The following LARGE1 variants were observed in gnomAD, a reference collection of about 807,000 sequenced individuals.
LARGE1 encodes the protein xylosyl- and glucuronyltransferase LARGE1.
A neutral mutation model predicts 87.6 loss-of-function variants in LARGE1; 43 were observed. The ratio of observed to expected loss-of-function variants is 0.49; its 90% CI spans 0.38 to 0.63. The LOEUF (loss-of-function observed/expected upper bound fraction) is 0.63. LARGE1 is among the 30% of genes least tolerant of loss of function. The pLI is 0.00. For missense variants in LARGE1, 802 were observed against 1,000.2 expected (o/e 0.80, Z 2.67); for synonymous variants, 434 against 394.6 (o/e 1.10, Z -1.18).
intron 2 of LARGE1, among the ~76,000 whole-genome samples, chr22:33,759,845 T>C (rs997249510): frequency 3.9e-5 from 6 of 152,046 alleles, no homozygotes; most frequent in Non-Finnish European, 1.5e-5. Context: ...AAACTTCCCA[T>C]CCACTGCCAT....
chr22:33,800,946 C>T (rs1446349414), intron 1 of LARGE1, among the ~76,000 whole-genome samples: 2 of 152,154 alleles, frequency 1.3e-5, no homozygotes, highest in African/African-American at 4.8e-5. Context: ...TGTGTCCCCA[C>T]CCAAATCTCA....
intron 7 of LARGE1, among the ~76,000 whole-genome samples, chr22:33,411,489 C>T (rs1051104695): frequency 6.6e-6 from 1 of 152,196 alleles, no homozygotes; most frequent in Non-Finnish European, 1.5e-5. Context: ...CACATGCATA[C>T]ATAAACATGC....
At chr22:33,377,389 T>TGGAG (rs1293889432) in intron 9 of LARGE1, among the ~76,000 whole-genome samples, 10 of 152,228 alleles carry the variant, frequency 6.6e-5, no homozygotes, top group Non-Finnish European at 8.8e-5. Context: ...TCCAAACAAT[T>TGGAG]ATAAAATCCT....
rs187495477 is a variant in LARGE1, at chr22:33,574,741, A to G, written c.616-9722T>C. 5.3e-3 allele frequency among the ~76,000 whole-genome samples: 781 copies of G among 147,168 alleles called. 4 individuals are homozygous for G. Among genetic ancestry groups the G allele is most frequent in the African/African-American group, 0.019 (748 of 39,376 alleles). ...GTGTGTGTGTGTGTGTGTGTGTAAA[A>G]TAACTATAGTCTGATACACTTAATG... is the stretch of plus-strand genomic sequence containing the variant. On this transcript the variant is annotated intron_variant, in intron 5 of 14. Coordinates refer to ENST00000397394, the MANE Select transcript of LARGE1 (RefSeq NM_133642.5).
At chr22:33,371,150 T>C (rs1475456988) in intron 9 of LARGE1, among the ~76,000 whole-genome samples, 1 of 151,214 alleles carries the variant, frequency 6.6e-6, no homozygotes, top group Non-Finnish European at 1.5e-5. Context: ...CATAGTAAAA[T>C]GTGGAATAGT....
rs78168603 is a variant in LARGE1, at chr22:33,517,988, G to A, written c.787+46860C>T. ...CCCCAAATTCACTCTCCTTGCTGTC[G>A]TTAGATCACTCCAACTCCTACAGAT... On this transcript the variant is annotated intron_variant, in intron 6 of 14. Coordinates refer to ENST00000397394, the MANE Select transcript of LARGE1 (RefSeq NM_133642.5). Among the ~76,000 whole-genome samples the A allele has an allele frequency of 2.6e-3, 402 of 152,312 alleles. 3 individuals are homozygous for A. Among genetic ancestry groups the A allele is most frequent in the African/African-American group, 9.0e-3 (374 of 41,560 alleles).
At chr22:33,589,432 T>C (rs2078772903) in intron 5 of LARGE1, among the ~76,000 whole-genome samples, 2 of 152,178 alleles carry the variant, frequency 1.3e-5, no homozygotes, top group African/African-American at 4.8e-5. Flanking sequence ...ATTTCCTCCA[T>C]TGTTTTATTA....
chr22:33,774,419 C>A (rs766654748), intron 1 of LARGE1, among the ~76,000 whole-genome samples: 17 of 152,036 alleles, frequency 1.1e-4, no homozygotes, highest in Admixed American at 9.2e-4. Flanking sequence ...TGCAGTGGCA[C>A]GATCTCGGTT....
chr22:33,410,425 G>T (rs1224828663), intron 7 of LARGE1, among the ~76,000 whole-genome samples: 1 of 151,994 alleles, frequency 6.6e-6, no homozygotes, highest in South Asian at 2.1e-4. Flanking sequence ...GAATCATGGG[G>T]GCGGGGGGCG....
the LARGE1 span, among the ~76,000 whole-genome samples, chr22:33,118,960 T>A: frequency 2.0e-5 from 3 of 152,218 alleles, no homozygotes; most frequent in African/African-American, 7.2e-5. Flanking sequence ...GGGTGAACAA[T>A]CTATGTGTCT....
the LARGE1 span, among the ~76,000 whole-genome samples, chr22:33,116,024 T>G: frequency 6.6e-6 from 1 of 152,120 alleles, no homozygotes; most frequent in Non-Finnish European, 1.5e-5. Flanking sequence ...CTGTGGTATT[T>G]TGTTACGGCA....
At chr22:33,676,647 T>G (rs985957082) in intron 2 of LARGE1, among the ~76,000 whole-genome samples, 1 of 151,684 alleles carries the variant, frequency 6.6e-6, no homozygotes, top group African/African-American at 2.4e-5. Context: ...TAGAAGAACA[T>G]TGTATTAATT....
At chr22:33,312,438 C>CAAAAAAAAAAAAAAAA (rs370832626) in intron 11 of LARGE1, among the ~76,000 whole-genome samples, 1 of 56,392 alleles carries the variant, frequency 1.8e-5, no homozygotes, top group Non-Finnish European at 3.9e-5. Flanking sequence ...GACTCTGTCT[C>CAAAAAAAAAAAAAAAA]AAAAAAAAAA....
chr22:33,115,691 A>G, the LARGE1 span, among the ~76,000 whole-genome samples: 1 of 151,692 alleles, frequency 6.6e-6, no homozygotes, highest in Non-Finnish European at 1.5e-5. Flanking sequence ...GGTGGCACAC[A>G]CCTGTAGTCC....
chr22:33,111,997 G>A, the LARGE1 span, among the ~76,000 whole-genome samples: 1 of 152,312 alleles, frequency 6.6e-6, no homozygotes, highest in South Asian at 2.1e-4. Context: ...ATAAATGAAG[G>A]CTTGAGATCT....
In LARGE1 at chr22:33,768,829, A is replaced by G. The variant is rs556820284; in HGVS notation, c.-82-7271T>C. On this transcript the variant is annotated intron_variant, in intron 1 of 14. Transcript: ENST00000397394. ...GGTCCTTGAACCAACAGCCATTAGCATCAGCTGATCTTTTCAGATATGCAG... is the reference window on the plus strand; with the variant it reads ...GGTCCTTGAACCAACAGCCATTAGCGTCAGCTGATCTTTTCAGATATGCAG... 2.5e-4 allele frequency among the ~76,000 whole-genome samples: 38 copies of G among 152,304 alleles called. No homozygotes were observed. The East Asian group carries it at 6.6e-3, about 26-fold the overall frequency.
At chr22:33,807,291 C>T (rs761398454) in intron 1 of LARGE1, among the ~76,000 whole-genome samples, 6 of 152,148 alleles carry the variant, frequency 3.9e-5, no homozygotes, top group South Asian at 2.1e-4. Flanking sequence ...TTAATCTACA[C>T]GATTAATTAT....
At chr22:33,497,071 C>CT (rs5845088) in intron 6 of LARGE1, among the ~76,000 whole-genome samples, 41,051 of 133,868 alleles carry the variant, frequency 0.31, 6,488 homozygotes, top group African/African-American at 0.41. Context: ...CTTTTCTTTT[C>CT]TTTTTTTTTT....
chr22:33,838,948 T>C (rs1487376616), intron 1 of LARGE1, among the ~76,000 whole-genome samples: 2 of 152,182 alleles, frequency 1.3e-5, no homozygotes, highest in Non-Finnish European at 2.9e-5. Context: ...AGGAAGTGAA[T>C]GTAGAATTTC....
Sources: allele counts gnomAD v4.1 joint callset (sites outside exome capture counted in the v4.1 genomes callset), GRCh38; gene constraint gnomAD v4.1.1; transcripts MANE v1.5; gene names NCBI Gene and HGNC (gene_info 2026-07-23, HGNC 2026-07-21).